GPC5: variants seen among roughly 807,000 people sequenced by gnomAD.
GPC5 encodes the protein glypican 5.
Under a neutral mutation model 53.9 loss-of-function variants are expected in GPC5, and 47 were observed. That is an observed-to-expected ratio of 0.87 (90% confidence interval 0.69 to 1.11). GPC5 has a LOEUF of 1.11. GPC5 is among the 50% of genes most tolerant of loss of function. GPC5 has a pLI of 0.00. For synonymous variants in GPC5, 286 were observed against 263.3 expected, an observed-to-expected ratio of 1.09 and a Z score of -0.84; for missense variants, 748 against 713.1, an observed-to-expected ratio of 1.05 and a Z score of -0.56.
intron 7 of GPC5, among the ~76,000 whole-genome samples, chr13:92,616,682 C>T (rs1214957719): frequency 6.6e-6 from 1 of 152,094 alleles, no homozygotes; most frequent in Admixed American, 6.6e-5. Context: ...TATTTTATTG[C>T]TCAAATGTCC....
intron 1 of GPC5, among the ~76,000 whole-genome samples, chr13:91,402,363 A>T (rs984469273): frequency 3.9e-5 from 6 of 152,234 alleles, no homozygotes; most frequent in African/African-American, 1.4e-4. Flanking sequence ...AGACACTGTA[A>T]GCAGTGCTCT....
chr13:91,438,795 C>T (rs1880189459), intron 1 of GPC5, among the ~76,000 whole-genome samples: 1 of 152,232 alleles, frequency 6.6e-6, no homozygotes, highest in Non-Finnish European at 1.5e-5. Flanking sequence ...GCTTGAGCTG[C>T]AGTGGGCTCC....
chr13:92,363,176 A>C (rs776931913), intron 7 of GPC5, among the ~76,000 whole-genome samples: 9 of 151,632 alleles, frequency 5.9e-5, no homozygotes, highest in African/African-American at 2.2e-4. Flanking sequence ...TGTTGGGGGG[A>C]CACTTAAAAG....
At chr13:91,639,783 A>G (rs182694638) in intron 2 of GPC5, among the ~76,000 whole-genome samples, 1 of 152,358 alleles carries the variant, frequency 6.6e-6, no homozygotes, top group Admixed American at 6.5e-5. Context: ...TATAGTATTC[A>G]GGTGTTTTCT....
intron 2 of GPC5, among the ~76,000 whole-genome samples, chr13:91,522,775 C>G (rs998152058): frequency 2.6e-5 from 4 of 152,166 alleles, no homozygotes; most frequent in Non-Finnish European, 4.4e-5. Context: ...GTTTGGTTTT[C>G]TGTCCTTGTG....
intron 2 of GPC5, among the ~76,000 whole-genome samples, chr13:91,671,780 C>CAAAAAAAAAAAAAAAAAAAAAAAAAAAA (rs55758033): frequency 6.0e-5 from 2 of 33,124 alleles, no homozygotes; most frequent in Non-Finnish European, 1.2e-4. Flanking sequence ...CAATCTGAAG[C>CAAAAAAAAAAAAAAAAAAAAAAAAAAAA]AAAAAAAAAA....
At chr13:92,404,803 AT>A (rs1875722619) in intron 7 of GPC5, among the ~76,000 whole-genome samples, 1 of 149,916 alleles carries the variant, frequency 6.7e-6, no homozygotes, top group Non-Finnish European at 1.5e-5. Flanking sequence ...AAGGTGTTTA[AT>A]AGGGATAAAT....
chr13:91,505,858 A>G (rs766155085), intron 2 of GPC5, among the ~76,000 whole-genome samples: 2 of 152,196 alleles, frequency 1.3e-5, no homozygotes, highest in African/African-American at 4.8e-5. Context: ...AATTTCCCAG[A>G]TACTCTTATC....
chr13:92,591,214 A>T (rs989355011), intron 7 of GPC5, among the ~76,000 whole-genome samples: 1 of 152,148 alleles, frequency 6.6e-6, no homozygotes, highest in Non-Finnish European at 1.5e-5. Flanking sequence ...TGATTTGGAA[A>T]AATGTCTCAT....
At chr13:91,450,164 G>C (rs116873717) in intron 2 of GPC5, among the ~76,000 whole-genome samples, 17 of 152,026 alleles carry the variant, frequency 1.1e-4, no homozygotes, top group Non-Finnish European at 4.4e-5. Flanking sequence ...AGATTTTAAG[G>C]TTTTATAAAT....
intron 7 of GPC5, among the ~76,000 whole-genome samples, chr13:92,343,217 G>C (rs2043381941): frequency 6.6e-6 from 1 of 152,152 alleles, no homozygotes; most frequent in Non-Finnish European, 1.5e-5. Context: ...GACAGTTACT[G>C]CAAAGTGATA....
At chr13:92,290,930 G>A (rs910899577) in intron 7 of GPC5, among the ~76,000 whole-genome samples, 5 of 152,172 alleles carry the variant, frequency 3.3e-5, no homozygotes, top group African/African-American at 9.6e-5. Flanking sequence ...CAGTGCTTGT[G>A]GGCCAGCGTG....
At chr13:92,530,706 A>G (rs1479069124) in intron 7 of GPC5, among the ~76,000 whole-genome samples, 1 of 152,102 alleles carries the variant, frequency 6.6e-6, no homozygotes, top group African/African-American at 2.4e-5. Flanking sequence ...TATTTTTCCT[A>G]TGTCAACACC....
At chr13:92,773,640 T>G (rs946096592) in intron 7 of GPC5, among the ~76,000 whole-genome samples, 9 of 152,200 alleles carry the variant, frequency 5.9e-5, no homozygotes, top group Non-Finnish European at 1.0e-4. Context: ...TTATTAGGCC[T>G]TCTAATTGTC....
At chr13:92,280,970 C>G (rs574332657) in intron 7 of GPC5, among the ~76,000 whole-genome samples, 1 of 152,166 alleles carries the variant, frequency 6.6e-6, no homozygotes, top group Non-Finnish European at 1.5e-5. Context: ...CCAGGAAGTG[C>G]GAGGGGTCAG....
At chr13:92,486,200 T>A (rs995667416) in intron 7 of GPC5, among the ~76,000 whole-genome samples, 5 of 152,156 alleles carry the variant, frequency 3.3e-5, no homozygotes, top group African/African-American at 7.2e-5. Context: ...CTGGTTAAAA[T>A]GATAGCCCCT....
intron 6 of GPC5, among the ~76,000 whole-genome samples, chr13:92,139,680 A>AAAAAAAAATG (rs532196727): frequency 1.4e-5 from 2 of 140,808 alleles, no homozygotes; most frequent in Non-Finnish European, 1.5e-5. Flanking sequence ...AAAAAAAAAA[A>AAAAAAAAATG]AAAAAGTGTT....
At chr13:91,583,246 T>C (rs2032436350) in intron 2 of GPC5, among the ~76,000 whole-genome samples, 1 of 152,094 alleles carries the variant, frequency 6.6e-6, no homozygotes, top group South Asian at 2.1e-4. Context: ...AAAAGGAATA[T>C]AGTTGGAAAG....
chr13:91,592,894 G>A (rs573500968), intron 2 of GPC5, among the ~76,000 whole-genome samples: 1 of 152,346 alleles, frequency 6.6e-6, no homozygotes, highest in East Asian at 1.9e-4. Flanking sequence ...GTCCCATGGG[G>A]AAGTAAGTCC....
Sources: gnomAD v4.1 joint callset for allele counts (sites outside exome capture counted in the v4.1 genomes callset) on GRCh38, gnomAD v4.1.1 for gene constraint, MANE v1.5 for transcripts, NCBI Gene and HGNC (gene_info 2026-07-23, HGNC 2026-07-21) for gene names.